MS4A7: variants seen among roughly 807,000 people sequenced by gnomAD.
The protein encoded by MS4A7 is membrane spanning 4-domains A7, also known as membrane-spanning 4-domains subfamily A member 7.
In MS4A7, 21 loss-of-function variants were observed where a neutral mutation model predicts 23.5. The ratio of observed to expected loss-of-function variants is 0.89; its 90% CI spans 0.63 to 1.29. The LOEUF (loss-of-function observed/expected upper bound fraction) is 1.29. Ranked by LOEUF, MS4A7 falls within the 50% of genes most tolerant of loss-of-function variation. MS4A7 has a pLI of 0.00. For synonymous variants in MS4A7, 111 were observed against 107.4 expected (o/e 1.03, Z -0.21); for missense variants, 263 against 274.2 (o/e 0.96, Z 0.29).
chr11:60,380,346 T>C (rs554578439), intron 1 of MS4A7, among the ~76,000 whole-genome samples: 9 of 152,220 alleles, frequency 5.9e-5, no homozygotes, highest in Non-Finnish European at 8.8e-5. Flanking sequence ...AAAGAATATG[T>C]GCATAGGAAA....
intron 2 of MS4A7, among the ~76,000 whole-genome samples, chr11:60,384,861 A>G (rs947999873): frequency 2.6e-5 from 4 of 152,248 alleles, no homozygotes; most frequent in African/African-American, 9.6e-5. Context: ...AAATGTGTGT[A>G]TGATCACTTT....
rs887227224 is a variant in MS4A7 at position 60,395,289 on chromosome 11, C to T, written c.*1428C>T. 3 of 207,676 alleles carry T rather than the reference C, an allele frequency of 1.4e-5. No individual in the cohort carries two copies. The highest frequency in any genetic ancestry group is 2.8e-5 in the Non-Finnish European group (3 of 105,366). 12.9% of individuals were successfully genotyped at this position (207,676 alleles called of 1,614,324 possible). ...TGTGGCTGCAGTTTAACTTTGCACT[C>T]TCTATGCATATGAGGTTTCCTAAAT... On this transcript the variant is annotated 3_prime_UTR_variant, in exon 7 of 7. Transcript: ENST00000300184.
intron 5 of MS4A7, among the ~76,000 whole-genome samples, chr11:60,391,927 A>G (rs1242071943): frequency 6.9e-6 from 1 of 144,604 alleles, no homozygotes; most frequent in Non-Finnish European, 1.5e-5. Flanking sequence ...TAAAAAAAAA[A>G]AAAAAAGTAA....
At chr11:60,384,711 T>C (rs144391056) in intron 2 of MS4A7, among the ~76,000 whole-genome samples, 1 of 152,368 alleles carries the variant, frequency 6.6e-6, no homozygotes, top group Non-Finnish European at 1.5e-5. Context: ...CTGCTCTATC[T>C]AATTTCAACT....
chr11:60,386,916 C>T, intron 4 of MS4A7, 143 bp downstream of exon 4: 2 of 674,764 alleles, frequency 3.0e-6, no homozygotes, highest in Non-Finnish European at 4.8e-6. Flanking sequence ...TCCTGGCTGT[C>T]CCATTGGTAG....
chr11:60,395,036 T>C lies in MS4A7; in HGVS notation c.*1175T>C. The C allele has an allele frequency of 1.7e-6, 1 of 595,424 alleles. No homozygotes were observed. Among genetic ancestry groups the C allele is most frequent in the East Asian group, 2.8e-5 (1 of 35,428 alleles). The allele number at this position is 595,424 out of a possible 1,614,324, so 36.9% of individuals were successfully genotyped here. A position where few individuals can be genotyped will look rare whatever the true frequency, so the allele number is the denominator to read the frequency against. On this transcript the variant is annotated 3_prime_UTR_variant, in exon 7 of 7. Transcript: ENST00000300184. Reference sequence around the variant, plus strand: ...CTGCTTCTAGCTTGGAGCTAAATGCTGCTCATGCTGAAAAGAATAATGTCT... The same window carrying C: ...CTGCTTCTAGCTTGGAGCTAAATGCCGCTCATGCTGAAAAGAATAATGTCT...
rs150267892 is a variant in MS4A7 at position 60,388,609 on chromosome 11, C to T, written c.340-781C>T. ...AGGATGTGGCTTTTCCCTAAATCAC[C>T]TCTATGGGTGTGTGGCAGGGAAGAG... On this transcript the variant is annotated intron_variant, in intron 4 of 6. Transcript: ENST00000300184. Among the ~76,000 whole-genome samples the T allele has an allele frequency of 3.6e-4, 55 of 152,286 alleles. No individual in the cohort carries two copies. In the East Asian group the frequency reaches 9.6e-3, roughly 27 times the overall value.
In MS4A7 at chr11:60,389,521, C is replaced by T. The variant is rs187122116; in HGVS notation, c.471C>T (p.Ser157=). 2 of 1,614,118 alleles carry T rather than the reference C, an allele frequency of 1.2e-6. No homozygotes were observed. Among genetic ancestry groups the T allele is most frequent in the East Asian group, 2.2e-5 (1 of 44,892 alleles). The change falls in exon 5 of 7, where the codon TCC becomes TCT. Residue 157 remains serine, a synonymous_variant. Coordinates refer to ENST00000300184, the MANE Select transcript of MS4A7 (RefSeq NM_021201.5). Reference sequence around the variant, plus strand: ...GTGGCTCAGAAATGGATTATCTATCCTCATTGCCTTATTCGGAGTACTATT... The same window carrying T: ...GTGGCTCAGAAATGGATTATCTATCTTCATTGCCTTATTCGGAGTACTATT... ...QHCGSEMDYL[S]SLPYSEYYYP... is the part of the protein sequence containing the mutation.
rs1038428583 is a variant in MS4A7 at position 60,395,576 on chromosome 11, G to A, written c.*1715G>A. Reference sequence around the variant, plus strand: ...ATGGGAAGCAAAATTTCTAAAGGCAGTTTCTGTTGTTTTAATTAGTATTTG... The same window carrying A: ...ATGGGAAGCAAAATTTCTAAAGGCAATTTCTGTTGTTTTAATTAGTATTTG... On this transcript the variant is annotated 3_prime_UTR_variant, in exon 7 of 7. Transcript: ENST00000300184. 6.6e-6 allele frequency: 1 copy of A among 152,094 alleles called. No homozygotes were observed. Among genetic ancestry groups the A allele is most frequent in the Non-Finnish European group, 1.5e-5 (1 of 68,010 alleles). 9.4% of individuals were successfully genotyped at this position (152,094 alleles called of 1,614,324 possible). A position where few individuals can be genotyped will look rare whatever the true frequency, so the allele number is the denominator to read the frequency against.
At chr11:60,384,961 C>A in intron 2 of MS4A7, 127 bp from the exon 3 acceptor site, 1 of 847,978 alleles carries the variant, frequency 1.2e-6, no homozygotes, top group Non-Finnish European at 1.7e-6. Flanking sequence ...CTCCTTGTAA[C>A]ATTTTTCCTC....
At chr11:60,388,824 T>C (rs2014121) in intron 4 of MS4A7, among the ~76,000 whole-genome samples, 94,494 of 152,130 alleles carry the variant, frequency 0.62, 29,548 homozygotes, top group Middle Eastern at 0.77. Context: ...CGAAGGCATA[T>C]GCTTGTCATA....
At chr11:60,393,147 G>C (rs1216060773) in intron 6 of MS4A7, among the ~76,000 whole-genome samples, 3 of 151,956 alleles carry the variant, frequency 2.0e-5, no homozygotes, top group African/African-American at 4.8e-5. Context: ...TTGTATAAAT[G>C]GGCTCCTTCT....
intron 1 of MS4A7, among the ~76,000 whole-genome samples, chr11:60,381,741 A>G (rs983634725): frequency 6.6e-6 from 1 of 152,178 alleles, no homozygotes; most frequent in African/African-American, 2.4e-5. Context: ...ATCTTATCCA[A>G]CCTGTACCAC....
intron 5 of MS4A7, among the ~76,000 whole-genome samples, chr11:60,391,121 C>T (rs2085545704): frequency 6.6e-6 from 1 of 152,092 alleles, no homozygotes; most frequent in Non-Finnish European, 1.5e-5. Context: ...GAGTACCCTG[C>T]AAAAATGTTG....
At position 60,389,347 on chromosome 11, in the gene MS4A7, G is replaced by A. The variant is rs777846160; in HGVS notation, c.340-43G>A. The A allele has an allele frequency of 6.2e-5, 94 of 1,515,920 alleles. 2 individuals carry two copies. In the South Asian group the frequency reaches 1.1e-3, roughly 18 times the overall value. The allele number at this position is 1,515,920 out of a possible 1,614,324, so 93.9% of individuals were successfully genotyped here. On this transcript the variant is annotated intron_variant, in intron 4 of 6. Transcript: ENST00000300184. ...GGACAGAGGACTAATAGTGTCACGTGCTGATTCTGTGATGAGAACCCAATG... is the reference window on the plus strand; with the variant it reads ...GGACAGAGGACTAATAGTGTCACGTACTGATTCTGTGATGAGAACCCAATG...
intron 5 of MS4A7, among the ~76,000 whole-genome samples, chr11:60,390,532 A>G (rs2085539537): frequency 6.6e-6 from 1 of 152,114 alleles, no homozygotes; most frequent in African/African-American, 2.4e-5. Flanking sequence ...TGACCCAGAG[A>G]TTGTCAAAAG....
At chr11:60,383,338 G>C (rs1199877552) in intron 2 of MS4A7, 50 bp downstream of exon 2, 1 of 1,600,358 alleles carries the variant, frequency 6.2e-7, no homozygotes, top group Non-Finnish European at 8.5e-7. Context: ...CTTTGTAAAT[G>C]TATCTAGACT....
Position 60,393,911 on chromosome 11 carries a change from A to G in MS4A7, c.*50A>G. 1.6e-6 allele frequency: 2 copies of G among 1,225,688 alleles called. No individual in the cohort carries two copies. Among genetic ancestry groups the G allele is most frequent in the South Asian group, 2.8e-5 (2 of 72,294 alleles). The allele number at this position is 1,225,688 out of a possible 1,614,324, so 75.9% of individuals were successfully genotyped here. A position where few individuals can be genotyped will look rare whatever the true frequency, so the allele number is the denominator to read the frequency against. On this transcript the variant is annotated 3_prime_UTR_variant, in exon 7 of 7. Coordinates refer to ENST00000300184, the MANE Select transcript of MS4A7 (RefSeq NM_021201.5). ...AAAAGCAACTCAACACTCATGGTCA[A>G]GTGTGATTAGACTTTCCTGAAATCT...
chr11:60,384,930 C>G lies in MS4A7; in HGVS notation c.148-158C>G, dbSNP rs1281816485. Among the ~76,000 whole-genome samples the G allele has an allele frequency of 4.6e-5, 7 of 152,212 alleles. No individual in the cohort carries two copies. The South Asian group carries it at 1.4e-3, about 31-fold the overall frequency. ...GAAGAGGTTAGCTATACATGACTTTCTCTAGAAGCATATCGATTGGCTCCT... is the reference window on the plus strand; with the variant it reads ...GAAGAGGTTAGCTATACATGACTTTGTCTAGAAGCATATCGATTGGCTCCT... On this transcript the variant is annotated intron_variant, in intron 2 of 6. Coordinates refer to ENST00000300184, the MANE Select transcript of MS4A7 (RefSeq NM_021201.5).
Sources: allele counts gnomAD v4.1 joint callset (sites outside exome capture counted in the v4.1 genomes callset), GRCh38; gene constraint gnomAD v4.1.1; transcripts MANE v1.5; gene names NCBI Gene and HGNC (gene_info 2026-07-23, HGNC 2026-07-21).